The following SOS1 variants were observed in gnomAD, a reference collection of about 807,000 sequenced individuals.
The protein encoded by SOS1 is son of sevenless homolog 1.
Under a neutral mutation model 157.6 loss-of-function variants are expected in SOS1, and 25 were observed. The observed-to-expected ratio is 0.16, with a 90% CI of 0.12 to 0.22. The LOEUF is 0.22. Ranked by LOEUF, SOS1 falls within the 10% of genes least tolerant of loss-of-function variation. The probability of loss-of-function intolerance (pLI) is 1.00; values close to 1 mark genes in which losing one functional copy is unlikely to be tolerated. For missense variants in SOS1, 1,237 were observed against 1,599.1 expected, an observed-to-expected ratio of 0.77 and a Z score of 3.86; for synonymous variants, 528 against 534.0, an observed-to-expected ratio of 0.99 and a Z score of 0.16.
chr2:39,049,664 T>C (rs180929906), intron 6 of SOS1, among the ~76,000 whole-genome samples: 7 of 152,346 alleles, frequency 4.6e-5, no homozygotes, highest in African/African-American at 1.7e-4. Flanking sequence ...GGAGACTTAA[T>C]GTTTTGTTTC....
intron 2 of SOS1, among the ~76,000 whole-genome samples, chr2:39,062,265 A>G (rs1236930578): frequency 6.6e-6 from 1 of 151,770 alleles, no homozygotes; most frequent in Non-Finnish European, 1.5e-5. Flanking sequence ...TAAAAATACA[A>G]AAATTAGCCA....
chr2:39,077,286 G>A (rs1672037120), intron 1 of SOS1, among the ~76,000 whole-genome samples: 1 of 149,984 alleles, frequency 6.7e-6, no homozygotes, highest in South Asian at 2.1e-4. Flanking sequence ...AGGCTGCAGT[G>A]AGCCGAGATC....
intron 1 of SOS1, among the ~76,000 whole-genome samples, chr2:39,109,782 T>C (rs908405644): frequency 6.6e-6 from 1 of 152,210 alleles, no homozygotes; most frequent in African/African-American, 2.4e-5. Flanking sequence ...ATGTACACAA[T>C]ATTGCCTAGG....
chr2:39,030,568 C>T (rs1396527207), intron 8 of SOS1, among the ~76,000 whole-genome samples: 1 of 151,928 alleles, frequency 6.6e-6, no homozygotes, highest in African/African-American at 2.4e-5. Flanking sequence ...AGACCTATCT[C>T]TAAAAAAGAG....
intron 1 of SOS1, among the ~76,000 whole-genome samples, chr2:39,086,853 C>A (rs1672394045): frequency 6.6e-6 from 1 of 152,064 alleles, no homozygotes; most frequent in East Asian, 1.9e-4. Context: ...CATTCTGTCA[C>A]CCAGGCTGGA....
chr2:39,046,899 T>A (rs142358858), intron 6 of SOS1, among the ~76,000 whole-genome samples: 1 of 152,252 alleles, frequency 6.6e-6, no homozygotes, highest in South Asian at 2.1e-4. Context: ...ATGCATCTTA[T>A]AATGAGTGTC....
chr2:38,988,521 T>C (rs1290438773), intron 21 of SOS1, among the ~76,000 whole-genome samples: 2 of 152,182 alleles, frequency 1.3e-5, no homozygotes, highest in Non-Finnish European at 2.9e-5. Flanking sequence ...TTAAGCTTTT[T>C]ATTTTGTCAC....
At chr2:39,096,729 CAA>C (rs1672777640) in intron 1 of SOS1, among the ~76,000 whole-genome samples, 1 of 151,808 alleles carries the variant, frequency 6.6e-6, no homozygotes, top group Non-Finnish European at 1.5e-5. Flanking sequence ...ACTAAAAATA[CAA>C]AAAAATTAGC....
intron 1 of SOS1, among the ~76,000 whole-genome samples, chr2:39,080,704 C>T (rs1302843137): frequency 1.3e-5 from 2 of 151,452 alleles, no homozygotes; most frequent in Non-Finnish European, 2.9e-5. Flanking sequence ...ACTATAAACG[C>T]GGTCCTGGTA....
intron 6 of SOS1, among the ~76,000 whole-genome samples, chr2:39,045,243 G>GGAGA (rs1308718638): frequency 1.8e-3 from 151 of 83,304 alleles, no homozygotes; most frequent in African/African-American, 4.0e-3. Flanking sequence ...AGAGAGAGAG[G>GGAGA]GAGAGAGAGA....
Position 38,985,124 on chromosome 2 carries a change from A to G in SOS1, c.*700T>C, listed in dbSNP as rs1668513840. On this transcript the variant is annotated 3_prime_UTR_variant, in exon 23 of 23. Coordinates refer to ENST00000402219, the MANE Select transcript of SOS1 (RefSeq NM_005633.4). ...ACTTCTCTTTTTTGAAGGCAACACC[A>G]CCACATTTTGTTTGGGTGTGTGGGG... 6.6e-6 allele frequency: 1 copy of G among 152,208 alleles called. No homozygotes were observed. The highest frequency in any genetic ancestry group is 1.5e-5 in the Non-Finnish European group (1 of 68,072). The allele number at this position is 152,208 out of a possible 1,614,324, so 9.4% of individuals were successfully genotyped here.
chr2:39,013,017 T>TA (rs532910261), intron 13 of SOS1, among the ~76,000 whole-genome samples: 7 of 152,148 alleles, frequency 4.6e-5, no homozygotes, highest in Non-Finnish European at 1.0e-4. Flanking sequence ...AACTGAAGTC[T>TA]AAAGAATCTA....
At chr2:39,068,173 T>G (rs948851577) in intron 1 of SOS1, among the ~76,000 whole-genome samples, 4 of 152,166 alleles carry the variant, frequency 2.6e-5, no homozygotes, top group Non-Finnish European at 4.4e-5. Context: ...CAAATACAGA[T>G]TTGAATGATA....
At position 39,007,198 on chromosome 2, in the gene SOS1, G is replaced by A; in HGVS notation, c.2511-5C>T. On this transcript the variant is annotated splice_polypyrimidine_tract_variant and splice_region_variant and intron_variant, in intron 15 of 22. Coordinates refer to ENST00000402219, the MANE Select transcript of SOS1 (RefSeq NM_005633.4). ...TTTTCAGTTTCTACAATACATCTGGGAATAAAAAAAAAGTGAACTAAAGGT... is the reference window on the plus strand; with the variant it reads ...TTTTCAGTTTCTACAATACATCTGGAAATAAAAAAAAAGTGAACTAAAGGT... 6.4e-7 allele frequency: 1 copy of A among 1,561,898 alleles called. No homozygotes were observed. The highest frequency in any genetic ancestry group is 8.8e-7 in the Non-Finnish European group (1 of 1,134,194).
chr2:39,051,066 A>T, intron 6 of SOS1, 78 bp downstream of exon 6: 1 of 1,326,154 alleles, frequency 7.5e-7, no homozygotes, highest in Non-Finnish European at 1.1e-6. Context: ...CTTTAGCTGG[A>T]AAGAAGTAAG....
chr2:39,105,899 CAAAAAG>C (rs1435610387), intron 1 of SOS1, among the ~76,000 whole-genome samples: 1 of 151,556 alleles, frequency 6.6e-6, no homozygotes, highest in Non-Finnish European at 1.5e-5. Flanking sequence ...GACTCTGTCT[CAAAAAG>C]AAAAAGAAAA....
intron 6 of SOS1, among the ~76,000 whole-genome samples, chr2:39,046,753 T>G (rs13392116): frequency 1.3e-5 from 2 of 152,252 alleles, no homozygotes; most frequent in Admixed American, 6.5e-5. Flanking sequence ...CCTGCCCACC[T>G]TGGCCTCCCA....
intron 6 of SOS1, among the ~76,000 whole-genome samples, chr2:39,048,621 C>T (rs552061748): frequency 1.3e-4 from 19 of 151,636 alleles, no homozygotes; most frequent in African/African-American, 2.7e-4. Flanking sequence ...AGGCTGGTCT[C>T]GAACTCCTGA....
chr2:39,091,920 A>T (rs1672612086), intron 1 of SOS1, among the ~76,000 whole-genome samples: 1 of 152,160 alleles, frequency 6.6e-6, no homozygotes, highest in African/African-American at 2.4e-5. Context: ...CCCAATTATG[A>T]TCATTTCTCA....
Sources: allele counts gnomAD v4.1 joint callset (sites outside exome capture counted in the v4.1 genomes callset), GRCh38; gene constraint gnomAD v4.1.1; transcripts MANE v1.5; gene names NCBI Gene and HGNC (gene_info 2026-07-23, HGNC 2026-07-21).